ANKRD10: variants seen among roughly 807,000 people sequenced by gnomAD.
The protein encoded by ANKRD10 is ankyrin repeat domain 10.
In ANKRD10, 14 loss-of-function variants were observed where a neutral mutation model predicts 27.0. The ratio of observed to expected loss-of-function variants is 0.52; its 90% CI spans 0.34 to 0.81. The LOEUF (loss-of-function observed/expected upper bound fraction) is 0.81. ANKRD10 is among the 40% of genes least tolerant of loss of function. The pLI, the probability that ANKRD10 is intolerant of heterozygous loss-of-function variation, is 0.01. For synonymous variants in ANKRD10, 250 were observed against 224.5 expected (o/e 1.11, Z -1.01); for missense variants, 493 against 544.0 (o/e 0.91, Z 0.93).
At chr13:110,913,000 G>C (rs2065764456) in intron 1 of ANKRD10, among the ~76,000 whole-genome samples, 1 of 152,216 alleles carries the variant, frequency 6.6e-6, no homozygotes, top group African/African-American at 2.4e-5. Flanking sequence ...ACTACTCAAA[G>C]TCCCATGGAA....
chr13:110,893,803 A>G (rs775487573), intron 3 of ANKRD10, among the ~76,000 whole-genome samples: 3 of 152,256 alleles, frequency 2.0e-5, no homozygotes, highest in Non-Finnish European at 4.4e-5. Flanking sequence ...ATCAGATTCC[A>G]GAGCTGAACA....
intron 4 of ANKRD10, 53 bp downstream of exon 4, chr13:110,892,973 CAT>C: frequency 6.3e-7 from 1 of 1,596,264 alleles, no homozygotes; most frequent in Non-Finnish European, 8.5e-7. Context: ...AAAAAGAAAA[CAT>C]ATTACAGAAA....
intron 5 of ANKRD10, 100 bp from the exon 6 acceptor site, chr13:110,880,212 TTC>T (rs1491163020): frequency 7.7e-6 from 8 of 1,045,408 alleles, no homozygotes; most frequent in South Asian, 3.4e-5. Flanking sequence ...GAATTTTAGT[TTC>T]TTTTTTTTCC....
intron 2 of ANKRD10, 30 bp downstream of exon 2, chr13:110,910,588 G>C (rs2065668392): frequency 1.9e-6 from 3 of 1,609,868 alleles, no homozygotes; most frequent in Non-Finnish European, 2.5e-6. Context: ...AAAAGCAAAA[G>C]CAAACCAAGT....
intron 5 of ANKRD10, 150 bp downstream of exon 5, chr13:110,883,548 C>T: frequency 2.9e-6 from 4 of 1,383,690 alleles, no homozygotes; most frequent in Non-Finnish European, 2.8e-6. Flanking sequence ...AAATAATATG[C>T]ATACTGATTC....
intron 2 of ANKRD10, among the ~76,000 whole-genome samples, chr13:110,909,711 T>C (rs2065640265): frequency 6.6e-6 from 1 of 152,214 alleles, no homozygotes; most frequent in Admixed American, 6.5e-5. Flanking sequence ...AATTACTTAC[T>C]GCTCAGGTGG....
At chr13:110,906,242 T>C (rs1392804128) in intron 2 of ANKRD10, 118 bp from the exon 3 acceptor site, 2 of 770,988 alleles carry the variant, frequency 2.6e-6, no homozygotes, top group African/African-American at 1.7e-5. Context: ...TAAAACATGT[T>C]GAGCAAGATC....
At position 110,894,090 on chromosome 13, in the gene ANKRD10, G is replaced by T. The variant is rs558559854; in HGVS notation, c.456-827C>A. 38 of 1,535,660 alleles carry T rather than the reference G, an allele frequency of 2.5e-5. No homozygotes were observed. In the African/African-American group the frequency reaches 3.1e-4, roughly 13 times the overall value. ...AAGTGAAAGAGCTGAATAAAATAGA[G>T]TAAGTTGAACTTGTAAACCTTTAGA... On this transcript the variant is annotated intron_variant, in intron 3 of 5. Transcript: ENST00000267339.
chr13:110,883,687 T>A lies in ANKRD10; in HGVS notation c.787+11A>T. 1 of 1,613,858 alleles carries A rather than the reference T, an allele frequency of 6.2e-7. No individual in the cohort carries two copies. Among genetic ancestry groups the A allele is most frequent in the South Asian group, 1.1e-5 (1 of 91,050 alleles). On this transcript the variant is annotated intron_variant, in intron 5 of 5. Transcript: ENST00000267339. ...TGTTGTTGCAGCTAACAGGAAACTG[T>A]CCACTCCCACCTGTTACAACAGCAA...
chr13:110,894,172 A>G (rs2065156754), intron 3 of ANKRD10: 1 of 1,612,310 alleles, frequency 6.2e-7, no homozygotes, highest in Non-Finnish European at 8.5e-7. Context: ...CCCCTGGAAG[A>G]CAAGAATGTA....
chr13:110,892,581 G>A, intron 4 of ANKRD10: 1 of 324,172 alleles, frequency 3.1e-6, no homozygotes, highest in Non-Finnish European at 4.5e-6. Flanking sequence ...TACAGAAATA[G>A]TACAGAAAAC....
intron 3 of ANKRD10, chr13:110,894,421 A>AAAC (rs1555321960): frequency 3.2e-6 from 1 of 314,054 alleles, no homozygotes; most frequent in Non-Finnish European, 5.8e-6. Context: ...AAAAAAAAAA[A>AAAC]AAAAAACCCC....
At chr13:110,913,620 C>T (rs1026031248) in intron 1 of ANKRD10, among the ~76,000 whole-genome samples, 1 of 152,194 alleles carries the variant, frequency 6.6e-6, no homozygotes, top group African/African-American at 2.4e-5. Context: ...GAATGTAGCA[C>T]CAGGGGCAGC....
At chr13:110,913,546 G>A (rs889823221) in intron 1 of ANKRD10, among the ~76,000 whole-genome samples, 1 of 152,158 alleles carries the variant, frequency 6.6e-6, no homozygotes, top group Non-Finnish European at 1.5e-5. Context: ...TTTATTGAAA[G>A]AAAAGTGACT....
chr13:110,905,964 T>G, intron 3 of ANKRD10, 69 bp downstream of exon 3: 3 of 1,401,786 alleles, frequency 2.1e-6, no homozygotes, highest in Non-Finnish European at 2.9e-6. Context: ...TGCCTGCTTA[T>G]GTACTGCCTT....
At chr13:110,912,215 T>C (rs965021160) in intron 1 of ANKRD10, among the ~76,000 whole-genome samples, 4 of 152,240 alleles carry the variant, frequency 2.6e-5, no homozygotes, top group African/African-American at 7.2e-5. Flanking sequence ...TATGCCTGAC[T>C]GCAAGCAATT....
In ANKRD10 at chr13:110,906,019, C is replaced by G; in HGVS notation, c.455+14G>C. 6.3e-7 allele frequency: 1 copy of G among 1,577,898 alleles called. No homozygotes were observed. The highest frequency in any genetic ancestry group is 1.2e-5 in the South Asian group (1 of 86,624). On this transcript the variant is annotated intron_variant, in intron 3 of 5. Transcript: ENST00000267339. ...TACATCTTTAGCTGGAAAGAATAAA[C>G]GAAAGACACTTACTCGACGTGAGCC...
In ANKRD10 at chr13:110,914,593, G is replaced by A. The variant is rs571964956; in HGVS notation, c.210+132C>T. The A allele has an allele frequency of 1.9e-4, 260 of 1,356,486 alleles. 1 individual carries two copies. In the African/African-American group the frequency reaches 3.7e-3, roughly 19 times the overall value. The allele number at this position is 1,356,486 out of a possible 1,614,324, so 84.0% of individuals were successfully genotyped here. The stretch of plus-strand genomic sequence containing the variant: ...GCACAGGCGCCCTAGGCCCCTCGGG[G>A]CACAGGCGCCGTCGATCCCGCTTCC... On this transcript the variant is annotated intron_variant, in intron 1 of 5. Transcript: ENST00000267339.
rs537736454 is a variant in ANKRD10, at chr13:110,908,786, G to A, written c.363+1832C>T. ...TAGAGTGAGATGATGCCTCAGATTCGGATGTAAACTCCACATGCCAGCAGA... is the reference window on the plus strand; with the variant it reads ...TAGAGTGAGATGATGCCTCAGATTCAGATGTAAACTCCACATGCCAGCAGA... On this transcript the variant is annotated intron_variant, in intron 2 of 5. Coordinates refer to ENST00000267339, the MANE Select transcript of ANKRD10 (RefSeq NM_017664.4). Among the ~76,000 whole-genome samples, 45 of 152,254 alleles carry A rather than the reference G, an allele frequency of 3.0e-4. No homozygotes were observed. The South Asian group carries it at 9.1e-3, about 31-fold the overall frequency.
Sources: allele counts gnomAD v4.1 joint callset (sites outside exome capture counted in the v4.1 genomes callset), GRCh38; gene constraint gnomAD v4.1.1; transcripts MANE v1.5; gene names NCBI Gene and HGNC (gene_info 2026-07-23, HGNC 2026-07-21).